Variants in GRHL1 observed in about 807,000 individuals in gnomAD.
GRHL1 encodes grainyhead like transcription factor 1, also known as grainyhead-like protein 1 homolog.
Under a neutral mutation model 75.7 loss-of-function variants are expected in GRHL1, and 38 were observed. The ratio of observed to expected loss-of-function variants is 0.50; its 90% CI spans 0.39 to 0.66. The LOEUF (loss-of-function observed/expected upper bound fraction) is 0.66, where lower values mean the gene tolerates loss of function less well. Among genes scored for constraint, GRHL1 ranks in the 30% least tolerant of loss-of-function variants. The pLI is 0.00. For missense variants in GRHL1, 589 were observed against 767.5 expected, an observed-to-expected ratio of 0.77 and a Z score of 2.75; for synonymous variants, 266 against 279.4, an observed-to-expected ratio of 0.95 and a Z score of 0.48.
At chr2:9,999,460 T>C (rs775607203) in intron 15 of GRHL1, among the ~76,000 whole-genome samples, 1 of 152,212 alleles carries the variant, frequency 6.6e-6, no homozygotes, top group African/African-American at 2.4e-5. Context: ...AGCCGGGCAC[T>C]GGGTTGGGCA....
Position 9,993,084 on chromosome 2 carries a change from A to G in GRHL1, c.1462-123A>G, listed in dbSNP as rs1668714194. The stretch of plus-strand genomic sequence containing the variant: ...CTGTAAGAATCTGTTATTGAAAACT[A>G]AGGCTAAAGGATTTTATATTAGATT... On this transcript the variant is annotated intron_variant, in intron 11 of 15. Coordinates refer to ENST00000324907, the MANE Select transcript of GRHL1 (RefSeq NM_198182.3). 3 of 816,518 alleles carry G rather than the reference A, an allele frequency of 3.7e-6. No individual in the cohort carries two copies. In the Admixed American group the frequency reaches 5.9e-5, roughly 16 times the overall value. 50.6% of individuals were successfully genotyped at this position (816,518 alleles called of 1,614,324 possible).
rs1323091852 is a variant in GRHL1, at chr2:9,951,717, C to T, written c.-117C>T. On this transcript the variant is annotated 5_prime_UTR_variant, in exon 1 of 16. Transcript: ENST00000324907. The surrounding 1 kb of genome is among the most constrained non-coding windows in gnomAD (Gnocchi z 4.2). The stretch of plus-strand genomic sequence containing the variant: ...CAGAGCGAGAAAAGCAAACCCAACC[C>T]GTCGGGGCCGCCGCTCCGGACCCGC... 8.4e-6 allele frequency: 8 copies of T among 951,338 alleles called. No individual in the cohort carries two copies. Among genetic ancestry groups the T allele is most frequent in the Non-Finnish European group, 7.7e-6 (5 of 651,176 alleles). 58.9% of individuals were successfully genotyped at this position (951,338 alleles called of 1,614,324 possible). A position where few individuals can be genotyped will look rare whatever the true frequency, so the allele number is the denominator to read the frequency against.
At chr2:9,971,732 C>G (rs558445961) in intron 8 of GRHL1, among the ~76,000 whole-genome samples, 2 of 152,114 alleles carry the variant, frequency 1.3e-5, no homozygotes, top group Non-Finnish European at 2.9e-5. Flanking sequence ...GTAGCTTGAC[C>G]GGTATTGGAA....
chr2:9,984,152 A>C (rs1001215), intron 8 of GRHL1, among the ~76,000 whole-genome samples: 18,488 of 151,156 alleles, frequency 0.12, 1,711 homozygotes, highest in Admixed American at 0.26. Context: ...ACAAGAGCAA[A>C]ACTTCATCTC....
intron 1 of GRHL1, chr2:9,953,030 T>A (rs745640725): frequency 2.0e-5 from 9 of 456,678 alleles, no homozygotes; most frequent in Non-Finnish European, 3.1e-5. Context: ...TTCCTGACTG[T>A]CATGAGGAAG....
At position 9,992,984 on chromosome 2, in the gene GRHL1, G is replaced by C. The variant is rs1408515795; in HGVS notation, c.1462-223G>C. On this transcript the variant is annotated intron_variant, in intron 11 of 15. Transcript: ENST00000324907. This position sits in a 1 kb window ranked among gnomAD's most constrained non-coding sequence, Gnocchi z 4.6. Reference sequence around the variant, plus strand: ...AATGAATGAGCGTGGCTTTGTTTCAGTAAAGACTTTATTTACATGAACTGG... The same window carrying C: ...AATGAATGAGCGTGGCTTTGTTTCACTAAAGACTTTATTTACATGAACTGG... 6.6e-6 allele frequency among the ~76,000 whole-genome samples: 1 copy of C among 152,200 alleles called. No homozygotes were observed. Among genetic ancestry groups the C allele is most frequent in the Non-Finnish European group, 1.5e-5 (1 of 68,038 alleles).
At chr2:9,956,999 CTTCTTT>C (rs1030211194) in intron 2 of GRHL1, among the ~76,000 whole-genome samples, 11 of 135,970 alleles carry the variant, frequency 8.1e-5, no homozygotes, top group Admixed American at 1.5e-4. Flanking sequence ...TCTTCTTCTT[CTTCTTT>C]TTTTTTTTTT....
At chr2:9,963,139 A>G (rs1159362938) in intron 5 of GRHL1, among the ~76,000 whole-genome samples, 1 of 152,234 alleles carries the variant, frequency 6.6e-6, no homozygotes, top group Non-Finnish European at 1.5e-5. Context: ...GATCTGCCTC[A>G]AGATGCAGGA....
At chr2:9,988,628 A>C (rs78383237) in intron 9 of GRHL1, among the ~76,000 whole-genome samples, 3,983 of 151,096 alleles carry the variant, frequency 0.026, 172 homozygotes, top group African/African-American at 0.091. Flanking sequence ...GTCTCCTCAA[A>C]CCTGGGCACC....
intron 9 of GRHL1, among the ~76,000 whole-genome samples, chr2:9,988,844 G>A (rs886430764): frequency 3.9e-5 from 6 of 152,114 alleles, no homozygotes; most frequent in African/African-American, 1.4e-4. Context: ...AATCTGATCT[G>A]TGTTACTCCA....
chr2:9,964,430 C>T (rs1415478031), intron 7 of GRHL1, 84 bp downstream of exon 7: 3 of 726,576 alleles, frequency 4.1e-6, no homozygotes, highest in Non-Finnish European at 7.1e-6. Flanking sequence ...CAGTGATCAG[C>T]TTCCTGCCGA....
Position 9,995,868 on chromosome 2 carries a change from G to T in GRHL1, c.1500-11G>T, listed in dbSNP as rs1311782911. 2 of 1,559,072 alleles carry T rather than the reference G, an allele frequency of 1.3e-6. No individual in the cohort carries two copies. The highest frequency in any genetic ancestry group is 1.7e-5 in the Admixed American group (1 of 58,750). On this transcript the variant is annotated splice_polypyrimidine_tract_variant and intron_variant, in intron 12 of 15. Coordinates refer to ENST00000324907, the MANE Select transcript of GRHL1 (RefSeq NM_198182.3). The stretch of plus-strand genomic sequence containing the variant: ...GTTGAATCACTAACGGCATATTTTG[G>T]ATCACTGCAGCTCTGTCTTGAAAAG...
intron 14 of GRHL1, among the ~76,000 whole-genome samples, chr2:9,998,667 T>TAC (rs756145690): frequency 0.014 from 955 of 68,850 alleles, 228 homozygotes; most frequent in East Asian, 0.023. Flanking sequence ...CATATATATG[T>TAC]ACACATATAT....
In GRHL1 at chr2:9,987,945, G is replaced by T. The variant is rs1181916394; in HGVS notation, c.1269+1663G>T. Among the ~76,000 whole-genome samples the T allele has an allele frequency of 1.3e-5, 2 of 152,084 alleles. No homozygotes were observed. The highest frequency in any genetic ancestry group is 6.5e-5 in the Admixed American group (1 of 15,272). ...TTGTCTTTTATTGAGATTTTTAGAG[G>T]GGCTAGGTAACTGGAAGTATGTTTG... is the stretch of plus-strand genomic sequence containing the variant. On this transcript the variant is annotated intron_variant, in intron 9 of 15. Transcript: ENST00000324907. The surrounding 1 kb of genome is among the most constrained non-coding windows in gnomAD (Gnocchi z 4.2).
chr2:9,998,278 A>G (rs1032489298), intron 14 of GRHL1, among the ~76,000 whole-genome samples: 6 of 151,506 alleles, frequency 4.0e-5, no homozygotes. Context: ...ATGTCCCGAA[A>G]GGAAGACAGC....
At chr2:9,981,781 A>G (rs1160482365) in intron 8 of GRHL1, among the ~76,000 whole-genome samples, 4 of 152,240 alleles carry the variant, frequency 2.6e-5, no homozygotes, top group Admixed American at 2.0e-4. Context: ...TGCAATAAGC[A>G]TATGTTATGA....
intron 8 of GRHL1, among the ~76,000 whole-genome samples, chr2:9,974,166 CT>C (rs1398368352): frequency 1.3e-5 from 2 of 152,194 alleles, no homozygotes; most frequent in Non-Finnish European, 2.9e-5. Flanking sequence ...CTGGCCTTGG[CT>C]TTGTCACCTG....
At position 9,998,607 on chromosome 2, in the gene GRHL1, TATAC is replaced by T. The variant is rs1244723379; in HGVS notation, c.1678-354_1678-351del. Among the ~76,000 whole-genome samples the T allele has an allele frequency of 8.7e-5, 5 of 57,660 alleles. 1 individual carries two copies. Among genetic ancestry groups the T allele is most frequent in the African/African-American group, 2.5e-4 (2 of 7,890 alleles). The allele number at this position is 57,660 out of a possible 152,430, so 37.8% of individuals were successfully genotyped here. ...GTACATATATATGTACACATATATATATACATATATATGTACACATATACATATA... is the reference window on the plus strand; with the variant it reads ...GTACATATATATGTACACATATATATATATATATGTACACATATACATATA... On this transcript the variant is annotated intron_variant, in intron 14 of 15. Transcript: ENST00000324907.
At chr2:9,971,590 T>G (rs890791837) in intron 8 of GRHL1, among the ~76,000 whole-genome samples, 3 of 152,190 alleles carry the variant, frequency 2.0e-5, no homozygotes, top group Admixed American at 6.5e-5. Context: ...TGAATTGAGA[T>G]TCGTTTGATC....
Sources: allele counts gnomAD v4.1 joint callset (sites outside exome capture counted in the v4.1 genomes callset), GRCh38; gene constraint gnomAD v4.1.1; non-coding constraint Gnocchi (gnomAD v3.1); transcripts MANE v1.5; gene names NCBI Gene and HGNC (gene_info 2026-07-23, HGNC 2026-07-21).